COL21A1: variants seen among roughly 807,000 people sequenced by gnomAD.
The protein encoded by COL21A1 is collagen type XXI alpha 1 chain.
COL21A1 carries 149 observed loss-of-function variants against 137.9 expected under a neutral mutation model. That is an observed-to-expected ratio of 1.08 (90% CI 0.95 to 1.24). COL21A1 has a LOEUF of 1.24. Among genes scored for constraint, COL21A1 ranks in the 50% most tolerant of loss-of-function variants. The pLI is 0.00. For missense variants in COL21A1, 1,167 were observed against 1,158.4 expected (o/e 1.01, Z -0.11); for synonymous variants, 456 against 391.5 (o/e 1.16, Z -1.95).
At chr6:56,218,304 A>G (rs571350519) in intron 1 of COL21A1, among the ~76,000 whole-genome samples, 34 of 151,948 alleles carry the variant, frequency 2.2e-4, no homozygotes, top group Admixed American at 1.7e-3. Context: ...TGTAAAAAAA[A>G]AAAGAGTAAG....
chr6:56,265,004 A>T (rs966776184), intron 1 of COL21A1, among the ~76,000 whole-genome samples: 3 of 152,218 alleles, frequency 2.0e-5, no homozygotes, highest in Non-Finnish European at 4.4e-5. Context: ...AAGAAAGTAG[A>T]GGTTCCTACA....
chr6:56,098,372 T>G (rs1172353167), intron 17 of COL21A1, among the ~76,000 whole-genome samples: 1 of 43,422 alleles, frequency 2.3e-5, no homozygotes, highest in Non-Finnish European at 3.6e-5. Context: ...TGAATATATA[T>G]AAATATATAT....
At chr6:56,207,983 C>A (rs913288469) in intron 1 of COL21A1, among the ~76,000 whole-genome samples, 3 of 152,004 alleles carry the variant, frequency 2.0e-5, no homozygotes, top group Non-Finnish European at 2.9e-5. Context: ...AATTCAACAG[C>A]CCTTCATGCT....
intron 1 of COL21A1, among the ~76,000 whole-genome samples, chr6:56,196,746 G>C (rs1413929537): frequency 6.6e-6 from 1 of 151,946 alleles, no homozygotes; most frequent in Non-Finnish European, 1.5e-5. Context: ...TCTGATAAAT[G>C]GAAAGATATC....
chr6:56,059,774 A>G (rs1765634280), intron 28 of COL21A1, among the ~76,000 whole-genome samples: 1 of 152,184 alleles, frequency 6.6e-6, no homozygotes, highest in Admixed American at 6.5e-5. Flanking sequence ...AAAATTTCTC[A>G]GTACATTGGC....
chr6:56,380,751 G>A (rs899090401), intron 1 of COL21A1, among the ~76,000 whole-genome samples: 14 of 152,138 alleles, frequency 9.2e-5, no homozygotes, highest in Non-Finnish European at 1.9e-4. Flanking sequence ...GCCCCTAAAT[G>A]TAGGGCTGCA....
intron 1 of COL21A1, among the ~76,000 whole-genome samples, chr6:56,365,991 T>A (rs1284156235): frequency 1.3e-5 from 2 of 152,186 alleles, no homozygotes; most frequent in Non-Finnish European, 1.5e-5. Context: ...AACCCAAATG[T>A]CACAATTAGA....
chr6:56,059,737 T>C (rs1003172619), intron 28 of COL21A1, among the ~76,000 whole-genome samples: 2 of 152,182 alleles, frequency 1.3e-5, no homozygotes, highest in Non-Finnish European at 2.9e-5. Context: ...TGTGATTTTC[T>C]ATTTAAAAAC....
At chr6:56,131,557 T>C (rs2152223009) in intron 12 of COL21A1, among the ~76,000 whole-genome samples, 1 of 152,104 alleles carries the variant, frequency 6.6e-6, no homozygotes, top group Admixed American at 6.5e-5. Context: ...AACACCATCC[T>C]TAAAAATCTC....
intron 1 of COL21A1, among the ~76,000 whole-genome samples, chr6:56,350,005 A>G (rs1396120048): frequency 6.6e-6 from 1 of 152,168 alleles, no homozygotes; most frequent in Non-Finnish European, 1.5e-5. Context: ...TTTCTGTAGC[A>G]GACAGAGCAG....
At chr6:56,269,313 T>A (rs988999100) in intron 1 of COL21A1, among the ~76,000 whole-genome samples, 1 of 152,146 alleles carries the variant, frequency 6.6e-6, no homozygotes, top group African/African-American at 2.4e-5. Flanking sequence ...AGTCATCAGA[T>A]TCACCAAAGT....
intron 1 of COL21A1, among the ~76,000 whole-genome samples, chr6:56,361,493 G>A (rs1422621830): frequency 6.6e-6 from 1 of 152,064 alleles, no homozygotes; most frequent in African/African-American, 2.4e-5. Context: ...TCCATTCAGT[G>A]GACTATCAGG....
intron 1 of COL21A1, among the ~76,000 whole-genome samples, chr6:56,369,940 T>C (rs1766192254): frequency 1.3e-5 from 2 of 152,272 alleles, no homozygotes; most frequent in Non-Finnish European, 2.9e-5. Flanking sequence ...ATGCTCATGA[T>C]ATATTTTAAT....
chr6:56,154,941 G>A (rs7451552), intron 10 of COL21A1, among the ~76,000 whole-genome samples: 3,351 of 152,042 alleles, frequency 0.022, 83 homozygotes, highest in African/African-American at 0.054. Flanking sequence ...TTTGAGTTCA[G>A]GGGTACATGT....
chr6:56,389,989 T>C (rs1405006960), intron 1 of COL21A1, among the ~76,000 whole-genome samples: 1 of 152,146 alleles, frequency 6.6e-6, no homozygotes, highest in East Asian at 1.9e-4. Context: ...CATCTGTAGG[T>C]ATAAAACGCA....
At chr6:56,078,786 G>C (rs909438667) in intron 17 of COL21A1, among the ~76,000 whole-genome samples, 3 of 151,546 alleles carry the variant, frequency 2.0e-5, no homozygotes, top group Non-Finnish European at 3.0e-5. Context: ...TATACCATTT[G>C]CAGAGAACAA....
chr6:56,286,781 C>G (rs1003792178), intron 1 of COL21A1, among the ~76,000 whole-genome samples: 2 of 152,148 alleles, frequency 1.3e-5, no homozygotes, highest in Non-Finnish European at 2.9e-5. Flanking sequence ...AATCCTCAAC[C>G]ATATACACTA....
chr6:56,163,632 C>G (rs1047350984), intron 9 of COL21A1, among the ~76,000 whole-genome samples: 1 of 151,912 alleles, frequency 6.6e-6, no homozygotes, highest in Non-Finnish European at 1.5e-5. Context: ...TCGCTTGAAC[C>G]CGGGAGGCGG....
At chr6:56,266,458 G>T (rs1214452478) in intron 1 of COL21A1, among the ~76,000 whole-genome samples, 2 of 152,114 alleles carry the variant, frequency 1.3e-5, no homozygotes, top group Non-Finnish European at 2.9e-5. Context: ...TAGCATAGTT[G>T]GGTAGTTGTG....
Sources: gnomAD v4.1 joint callset for allele counts (sites outside exome capture counted in the v4.1 genomes callset) on GRCh38, gnomAD v4.1.1 for gene constraint, MANE v1.5 for transcripts, NCBI Gene and HGNC (gene_info 2026-07-23, HGNC 2026-07-21) for gene names.